ROS1: variants seen among roughly 807,000 people sequenced by gnomAD.
The protein encoded by ROS1 is proto-oncogene tyrosine-protein kinase ROS.
Under a neutral mutation model 273.5 loss-of-function variants are expected in ROS1, and 263 were observed. The observed-to-expected ratio is 0.96, with a 90% confidence interval of 0.87 to 1.06. ROS1 has a LOEUF of 1.06. Among genes scored for constraint, ROS1 ranks in the 50% least tolerant of loss-of-function variants. The pLI, the probability that ROS1 is intolerant of heterozygous loss-of-function variation, is 0.00. For missense variants in ROS1, 2,833 were observed against 2,751.1 expected (o/e 1.03, Z -0.67); for synonymous variants, 1,008 against 954.1 (o/e 1.06, Z -1.04).
At chr6:117,418,736 A>G (rs9481706) in intron 1 of ROS1, among the ~76,000 whole-genome samples, 19,021 of 152,226 alleles carry the variant, frequency 0.12, 1,305 homozygotes, top group African/African-American at 0.16. Flanking sequence ...ACAAAGGTGG[A>G]AGTAAGAATG....
chr6:117,408,395 T>C (rs544891505), intron 5 of ROS1, among the ~76,000 whole-genome samples: 1 of 152,202 alleles, frequency 6.6e-6, no homozygotes, highest in East Asian at 1.9e-4. Flanking sequence ...CATCAAAAAG[T>C]GGGCGAAGGA....
At chr6:117,379,735 C>T (rs1430613982) in intron 17 of ROS1, among the ~76,000 whole-genome samples, 1 of 152,112 alleles carries the variant, frequency 6.6e-6, no homozygotes, top group Non-Finnish European at 1.5e-5. Flanking sequence ...TGCTTTAAAA[C>T]TTCTCAGGTG....
intron 42 of ROS1, among the ~76,000 whole-genome samples, chr6:117,304,490 G>A (rs1774958702): frequency 6.6e-6 from 1 of 152,122 alleles, no homozygotes; most frequent in Admixed American, 6.5e-5. Flanking sequence ...TATCAGTTTT[G>A]CTTTCTATGG....
chr6:117,344,287 T>C (rs776739427), intron 27 of ROS1, 25 bp from the exon 28 acceptor site: 2 of 1,540,524 alleles, frequency 1.3e-6, no homozygotes, highest in Non-Finnish European at 1.8e-6. Flanking sequence ...AACCAAAAGA[T>C]TAAATATCTA....
Position 117,356,919 on chromosome 6 carries a change from T to C in ROS1, c.3840-4A>G. 1 of 1,599,802 alleles carries C rather than the reference T, an allele frequency of 6.3e-7. No individual in the cohort carries two copies. The highest frequency in any genetic ancestry group is 8.5e-7 in the Non-Finnish European group (1 of 1,174,962). On this transcript the variant is annotated splice_polypyrimidine_tract_variant and splice_region_variant and intron_variant, in intron 25 of 43. Coordinates refer to ENST00000368507, the MANE Select transcript of ROS1 (RefSeq NM_001378902.1). ...AACTTCTGTCCAATACAAGCGACTA[T>C]AGAGGAAAAAAAAGTCCCCCCAACT...
intron 26 of ROS1, among the ~76,000 whole-genome samples, chr6:117,356,199 G>A (rs1417814156): frequency 6.6e-6 from 1 of 152,176 alleles, no homozygotes; most frequent in Non-Finnish European, 1.5e-5. Context: ...GATCATGCAT[G>A]TTGTAGTTAG....
intron 18 of ROS1, among the ~76,000 whole-genome samples, chr6:117,372,679 T>A (rs900690606): frequency 2.0e-5 from 3 of 152,146 alleles, no homozygotes; most frequent in Admixed American, 6.5e-5. Context: ...AGTCGCTCAT[T>A]CCTCTCACTG....
intron 43 of ROS1, among the ~76,000 whole-genome samples, chr6:117,291,477 T>C (rs531101150): frequency 6.6e-6 from 1 of 152,308 alleles, no homozygotes; most frequent in South Asian, 2.1e-4. Context: ...CAGTACACTA[T>C]TGGTAACATA....
chr6:117,290,642 G>A (rs1306294309), intron 43 of ROS1, among the ~76,000 whole-genome samples: 1 of 152,118 alleles, frequency 6.6e-6, no homozygotes, highest in Non-Finnish European at 1.5e-5. Flanking sequence ...TTTGTTTCCT[G>A]TAGAACTCTC....
intron 24 of ROS1, among the ~76,000 whole-genome samples, chr6:117,358,471 T>A (rs1779514177): frequency 6.6e-6 from 1 of 152,014 alleles, no homozygotes; most frequent in Non-Finnish European, 1.5e-5. Context: ...CTAGTCCCTT[T>A]TTTTTTTGGA....
intron 18 of ROS1, among the ~76,000 whole-genome samples, chr6:117,374,150 C>T (rs918359612): frequency 1.2e-4 from 18 of 152,228 alleles, no homozygotes; most frequent in Admixed American, 5.9e-4. Flanking sequence ...TCCTAAAATG[C>T]ATGTGGAACC....
intron 21 of ROS1, 102 bp downstream of exon 21, chr6:117,364,958 T>C (rs1780086979): frequency 8.6e-7 from 1 of 1,165,658 alleles, no homozygotes; most frequent in East Asian, 2.5e-5. Context: ...TAAACACATC[T>C]ATAAAACTGA....
At chr6:117,332,928 A>G (rs1458093109) in intron 32 of ROS1, among the ~76,000 whole-genome samples, 1 of 152,162 alleles carries the variant, frequency 6.6e-6, no homozygotes, top group Non-Finnish European at 1.5e-5. Flanking sequence ...ATCACAATTA[A>G]AAGAGCTAGA....
intron 17 of ROS1, 28 bp downstream of exon 17, chr6:117,383,289 T>C: frequency 1.9e-6 from 3 of 1,559,446 alleles, no homozygotes; most frequent in Non-Finnish European, 2.7e-6. Flanking sequence ...TCAGTATTAC[T>C]AAATGATCAG....
chr6:117,320,075 A>AGGG (rs770159345), intron 36 of ROS1, 45 bp from the exon 37 acceptor site: 1 of 1,547,862 alleles, frequency 6.5e-7, no homozygotes, highest in African/African-American at 1.4e-5. Context: ...CCACATATAT[A>AGGG]GGGTGTACAA....
chr6:117,372,293 G>A (rs1181699498), intron 18 of ROS1, among the ~76,000 whole-genome samples: 1 of 152,176 alleles, frequency 6.6e-6, no homozygotes, highest in African/African-American at 2.4e-5. Context: ...AATCAGTAAA[G>A]AGGAAGTCAT....
intron 42 of ROS1, among the ~76,000 whole-genome samples, chr6:117,306,347 A>AT (rs1775100944): frequency 6.6e-6 from 1 of 151,984 alleles, no homozygotes; most frequent in African/African-American, 2.4e-5. Flanking sequence ...TGCCTCCCAC[A>AT]CCTGAGGGAC....
chr6:117,385,582 T>A, intron 16 of ROS1, 101 bp downstream of exon 16: 1 of 931,998 alleles, frequency 1.1e-6, no homozygotes. Context: ...ATAGCATAAG[T>A]GGTGCACAGG....
At chr6:117,350,054 C>T (rs546750503) in intron 27 of ROS1, among the ~76,000 whole-genome samples, 1 of 151,796 alleles carries the variant, frequency 6.6e-6, no homozygotes, top group South Asian at 2.1e-4. Context: ...AAAACTTTTA[C>T]TTTACTTTCA....
Sources: allele counts gnomAD v4.1 joint callset (sites outside exome capture counted in the v4.1 genomes callset), GRCh38; gene constraint gnomAD v4.1.1; transcripts MANE v1.5; gene names NCBI Gene and HGNC (gene_info 2026-07-23, HGNC 2026-07-21).